ITPR2: variants seen among roughly 807,000 people sequenced by gnomAD.
ITPR2 encodes the protein inositol 1,4,5-trisphosphate-gated calcium channel ITPR2.
ITPR2 carries 207 observed loss-of-function variants against 317.1 expected under a neutral mutation model. The ratio of observed to expected loss-of-function variants is 0.65; its 90% CI spans 0.58 to 0.73. The LOEUF (loss-of-function observed/expected upper bound fraction) is 0.73, where lower values mean the gene tolerates loss of function less well. ITPR2 is among the 30% of genes least tolerant of loss of function. The probability of loss-of-function intolerance (pLI) is 0.00; values close to 1 mark genes in which losing one functional copy is unlikely to be tolerated. For synonymous variants in ITPR2, 1,156 were observed against 1,149.1 expected, an observed-to-expected ratio of 1.01 and a Z score of -0.12; for missense variants, 2,613 against 3,284.0, an observed-to-expected ratio of 0.80 and a Z score of 4.99.
At chr12:26,772,168 C>T (rs1171675571) in intron 2 of ITPR2, among the ~76,000 whole-genome samples, 1 of 151,426 alleles carries the variant, frequency 6.6e-6, no homozygotes, top group Non-Finnish European at 1.5e-5. Flanking sequence ...CTGAACTTGG[C>T]ACATCAAACA....
intron 1 of ITPR2, among the ~76,000 whole-genome samples, chr12:26,830,558 T>TCTTAAC (rs2137315162): frequency 6.6e-6 from 1 of 152,372 alleles, no homozygotes; most frequent in East Asian, 1.9e-4. Context: ...ACTTCATTTC[T>TCTTAAC]CTTAACCTCA....
At chr12:26,418,966 A>G (rs1036773091) in intron 50 of ITPR2, 83 bp downstream of exon 50, 27 of 1,250,646 alleles carry the variant, frequency 2.2e-5, no homozygotes, top group Non-Finnish European at 4.3e-6. Flanking sequence ...TTGCTTAAAA[A>G]AAAAAATCAA....
chr12:26,568,098 C>T (rs1945062189), intron 34 of ITPR2, among the ~76,000 whole-genome samples: 1 of 148,252 alleles, frequency 6.7e-6, no homozygotes. Flanking sequence ...CCATCTGTCT[C>T]TCAATAAGGA....
At chr12:26,477,178 T>C (rs1327662272) in intron 43 of ITPR2, among the ~76,000 whole-genome samples, 171 bp from the exon 44 acceptor site, 1 of 152,206 alleles carries the variant, frequency 6.6e-6, no homozygotes, top group Admixed American at 6.5e-5. Flanking sequence ...CTTACTCCAT[T>C]GTCAACACAA....
At chr12:26,745,232 A>C (rs1237916235) in intron 2 of ITPR2, among the ~76,000 whole-genome samples, 1 of 152,196 alleles carries the variant, frequency 6.6e-6, no homozygotes, top group African/African-American at 2.4e-5. Flanking sequence ...TCCTTGAACA[A>C]ACACAGACAT....
chr12:26,679,288 T>C (rs535415981), intron 13 of ITPR2, among the ~76,000 whole-genome samples: 9 of 152,334 alleles, frequency 5.9e-5, no homozygotes, highest in Non-Finnish European at 1.2e-4. Flanking sequence ...AAACAGCTAT[T>C]CCATTTGTTT....
intron 44 of ITPR2, 151 bp from the exon 45 acceptor site, chr12:26,475,569 A>G: frequency 3.9e-6 from 3 of 773,348 alleles, no homozygotes; most frequent in South Asian, 2.0e-5. Context: ...TCCTTATTTC[A>G]ATGAACATGG....
chr12:26,366,940 T>C (rs147140064), intron 55 of ITPR2, among the ~76,000 whole-genome samples: 35 of 152,164 alleles, frequency 2.3e-4, no homozygotes, highest in African/African-American at 6.7e-4. Flanking sequence ...CTGGGAGCGA[T>C]TAAAAAAAAT....
At chr12:26,605,105 A>AT (rs1174431874) in intron 26 of ITPR2, among the ~76,000 whole-genome samples, 8 of 72,128 alleles carry the variant, frequency 1.1e-4, no homozygotes, top group East Asian at 1.0e-3. Context: ...AAAAAAATAA[A>AT]AATAAAAAAT....
chr12:26,433,200 G>C (rs1941260764), intron 48 of ITPR2, among the ~76,000 whole-genome samples: 1 of 152,094 alleles, frequency 6.6e-6, no homozygotes. Flanking sequence ...GTTTGATATT[G>C]CCAAAATGGC....
intron 18 of ITPR2, 72 bp from the exon 19 acceptor site, chr12:26,656,620 G>C (rs1947373749): frequency 6.7e-7 from 1 of 1,493,764 alleles, no homozygotes; most frequent in Non-Finnish European, 9.2e-7. Context: ...GTACCAATCA[G>C]TATCTATGTT....
chr12:26,656,840 C>T (rs1252221026), intron 18 of ITPR2, among the ~76,000 whole-genome samples: 5 of 152,154 alleles, frequency 3.3e-5, no homozygotes, highest in African/African-American at 1.2e-4. Flanking sequence ...ACAAATACTG[C>T]ACTCAGGCTG....
chr12:26,596,345 G>A (rs1299928564), intron 31 of ITPR2, among the ~76,000 whole-genome samples: 1 of 152,182 alleles, frequency 6.6e-6, no homozygotes, highest in Non-Finnish European at 1.5e-5. Context: ...AGTGGCTATA[G>A]TTCTTAAAAG....
chr12:26,399,023 G>T lies in ITPR2; in HGVS notation c.7549C>A (p.Arg2517=). The change falls in exon 54 of 57, where the codon CGA becomes AGA. Residue 2517 remains arginine, a synonymous_variant. Coordinates refer to ENST00000381340, the MANE Select transcript of ITPR2 (RefSeq NM_002223.4). ...PSKDEPLFAA[R]VVYDLLFYFI... is the part of the protein sequence containing the mutation. ...TAAAAAAGAAGGTCATAAACCACTC[G>T]GGCAGCAAACAAGGGCTCCTGAAAT... 6 of 1,581,838 alleles carry T rather than the reference G, an allele frequency of 3.8e-6. No individual in the cohort carries two copies. Among genetic ancestry groups the T allele is most frequent in the Non-Finnish European group, 5.1e-6 (6 of 1,171,248 alleles).
intron 55 of ITPR2, among the ~76,000 whole-genome samples, chr12:26,384,684 C>A (rs2136624027): frequency 1.3e-5 from 2 of 152,302 alleles, no homozygotes; most frequent in East Asian, 3.9e-4. Context: ...CCGGTGATTT[C>A]TAGGTCATAA....
In ITPR2 at chr12:26,487,254, G is replaced by C. The variant is rs759266123; in HGVS notation, c.5371-3C>G. On this transcript the variant is annotated splice_polypyrimidine_tract_variant and splice_region_variant and intron_variant, in intron 39 of 56. Transcript: ENST00000381340. ...TGCAACTGCTGGTAGAAAGAATACT[G>C]CAAGAAAACATATTTTAAGACATCA... 1.9e-6 allele frequency: 3 copies of C among 1,584,558 alleles called. No individual in the cohort carries two copies. Among genetic ancestry groups the C allele is most frequent in the Non-Finnish European group, 2.6e-6 (3 of 1,168,730 alleles).
At chr12:26,380,898 G>A (rs1939489620) in intron 55 of ITPR2, among the ~76,000 whole-genome samples, 1 of 152,162 alleles carries the variant, frequency 6.6e-6, no homozygotes, top group Non-Finnish European at 1.5e-5. Context: ...CTCCTTATGT[G>A]GCTAAAGTAC....
intron 9 of ITPR2, among the ~76,000 whole-genome samples, chr12:26,700,511 T>C (rs1018256893): frequency 2.0e-5 from 3 of 152,260 alleles, no homozygotes; most frequent in African/African-American, 7.2e-5. Context: ...AAGTGCTTTA[T>C]GCAAAGTCAC....
chr12:26,744,436 G>A (rs772183140), intron 2 of ITPR2, among the ~76,000 whole-genome samples: 11 of 152,128 alleles, frequency 7.2e-5, no homozygotes, highest in African/African-American at 1.2e-4. Flanking sequence ...TCAGGCCTCC[G>A]CTCAAGTATC....
Sources: allele counts gnomAD v4.1 joint callset (sites outside exome capture counted in the v4.1 genomes callset), GRCh38; gene constraint gnomAD v4.1.1; transcripts MANE v1.5; gene names NCBI Gene and HGNC (gene_info 2026-07-23, HGNC 2026-07-21).